The following TEKT5 variants were observed in gnomAD, a reference collection of about 807,000 sequenced individuals.
The protein encoded by TEKT5 is tektin-5.
A neutral mutation model predicts 48.7 loss-of-function variants in TEKT5; 52 were observed. The ratio of observed to expected loss-of-function variants is 1.07; its 90% CI spans 0.86 to 1.35. The LOEUF is 1.35. Ranked by LOEUF, TEKT5 falls within the 40% of genes most tolerant of loss-of-function variation. The probability of loss-of-function intolerance (pLI) is 0.00; values close to 1 mark genes in which losing one functional copy is unlikely to be tolerated. For synonymous variants in TEKT5, 318 were observed against 267.6 expected, an observed-to-expected ratio of 1.19 and a Z score of -1.84; for missense variants, 831 against 641.6, an observed-to-expected ratio of 1.30 and a Z score of -3.19.
intron 5 of TEKT5, among the ~76,000 whole-genome samples, chr16:10,647,821 C>T (rs1018371320): frequency 2.6e-5 from 4 of 152,226 alleles, no homozygotes; most frequent in Non-Finnish European, 4.4e-5. Flanking sequence ...ATTCATATGT[C>T]AGTGCAACAA....
At chr16:10,644,715 C>T (rs1190861615) in intron 5 of TEKT5, among the ~76,000 whole-genome samples, 7 of 152,210 alleles carry the variant, frequency 4.6e-5, no homozygotes, top group African/African-American at 1.2e-4. Flanking sequence ...GTTCTCCTAT[C>T]GCCTAGAACA....
intron 5 of TEKT5, among the ~76,000 whole-genome samples, chr16:10,642,243 C>A (rs1056924437): frequency 3.3e-5 from 5 of 152,190 alleles, no homozygotes; most frequent in Non-Finnish European, 7.3e-5. Flanking sequence ...AGACAAGTCA[C>A]CCTGGAGCAC....
intron 5 of TEKT5, among the ~76,000 whole-genome samples, chr16:10,648,305 G>T (rs1004856596): frequency 2.0e-5 from 3 of 151,796 alleles, no homozygotes; most frequent in Admixed American, 2.0e-4. Flanking sequence ...ACATTCCCTG[G>T]CTTTTATTTT....
At chr16:10,674,635 A>AC (rs1252440833) in intron 5 of TEKT5, among the ~76,000 whole-genome samples, 2 of 150,476 alleles carry the variant, frequency 1.3e-5, no homozygotes, top group African/African-American at 4.9e-5. Flanking sequence ...AAAAAAAAAA[A>AC]AAAAAACAGA....
At chr16:10,674,098 C>T (rs1806803634) in intron 5 of TEKT5, among the ~76,000 whole-genome samples, 1 of 152,158 alleles carries the variant, frequency 6.6e-6, no homozygotes, top group African/African-American at 2.4e-5. Flanking sequence ...AAACCCTTCA[C>T]CAGGCCTACC....
At chr16:10,666,978 C>T (rs1347484436) in intron 5 of TEKT5, among the ~76,000 whole-genome samples, 3 of 124,666 alleles carry the variant, frequency 2.4e-5, no homozygotes, top group Non-Finnish European at 3.4e-5. Flanking sequence ...TGGCTCCTTA[C>T]TTTTTTTTTT....
chr16:10,687,312 T>C (rs1898879769), intron 3 of TEKT5, among the ~76,000 whole-genome samples: 2 of 152,240 alleles, frequency 1.3e-5, no homozygotes, highest in Non-Finnish European at 2.9e-5. Flanking sequence ...CAGAACATCA[T>C]GTTTTATATG....
At chr16:10,639,969 G>A (rs534651500) in intron 5 of TEKT5, among the ~76,000 whole-genome samples, 1 of 151,910 alleles carries the variant, frequency 6.6e-6, no homozygotes, top group East Asian at 1.9e-4. Flanking sequence ...TAAAGCTTAT[G>A]CATGCTTCTT....
At chr16:10,679,897 CAAAT>C (rs56032112) in intron 4 of TEKT5, among the ~76,000 whole-genome samples, 1 of 150,312 alleles carries the variant, frequency 6.7e-6, no homozygotes, top group Non-Finnish European at 1.5e-5. Context: ...AACTCGGTCT[CAAAT>C]AAATAAATAA....
intron 4 of TEKT5, among the ~76,000 whole-genome samples, chr16:10,680,963 A>G (rs1898736081): frequency 6.6e-6 from 1 of 151,164 alleles, no homozygotes; most frequent in African/African-American, 2.4e-5. Flanking sequence ...TACATATGTA[A>G]CTAACCTGCA....
chr16:10,679,903 A>AATAAATAAATAAATAAATAC (rs2142305886), intron 4 of TEKT5, among the ~76,000 whole-genome samples: 1 of 150,468 alleles, frequency 6.6e-6, no homozygotes, highest in South Asian at 2.1e-4. Context: ...GTCTCAAATA[A>AATAAATAAATAAATAAATAC]ATAAATAAAT....
intron 6 of TEKT5, among the ~76,000 whole-genome samples, chr16:10,632,869 G>GAC (rs35503579): frequency 0.11 from 14,227 of 131,434 alleles, 776 homozygotes; most frequent in Middle Eastern, 0.18. Context: ...CACAGATGCA[G>GAC]ACACACACAC....
chr16:10,659,070 T>C (rs901905149), intron 5 of TEKT5, among the ~76,000 whole-genome samples: 2 of 152,170 alleles, frequency 1.3e-5, no homozygotes, highest in African/African-American at 4.8e-5. Flanking sequence ...GAAGGATGTT[T>C]AGTAGCATCC....
In TEKT5 at chr16:10,646,429, A is replaced by T. The variant is rs576391651; in HGVS notation, c.1087-10511T>A. Among the ~76,000 whole-genome samples, 8 of 152,324 alleles carry T rather than the reference A, an allele frequency of 5.3e-5. No individual in the cohort carries two copies. The East Asian group carries it at 1.2e-3, about 22-fold the overall frequency. ...GTAAATTGCTCCTGAATGAGGTGGG[A>T]TTGCAAGTATAACACCCAGTCCCTG... On this transcript the variant is annotated intron_variant, in intron 5 of 6. Coordinates refer to ENST00000283025, the MANE Select transcript of TEKT5 (RefSeq NM_144674.2).
chr16:10,662,178 C>T (rs761184004), intron 5 of TEKT5, among the ~76,000 whole-genome samples: 1 of 152,198 alleles, frequency 6.6e-6, no homozygotes, highest in Non-Finnish European at 1.5e-5. Flanking sequence ...CTGGCCTCTA[C>T]TCACTGGATG....
At position 10,652,603 on chromosome 16, in the gene TEKT5, G is replaced by GAC. The variant is rs71133381; in HGVS notation, c.1087-16687_1087-16686dup. 9.3e-3 allele frequency among the ~76,000 whole-genome samples: 114 copies of GAC among 12,238 alleles called. 2 individuals carry two copies. Among genetic ancestry groups the GAC allele is most frequent in the African/African-American group, 0.012 (25 of 2,092 alleles). 8.0% of individuals were successfully genotyped at this position (12,238 alleles called of 152,430 possible). A position where few individuals can be genotyped will look rare whatever the true frequency, so the allele number is the denominator to read the frequency against. The stretch of plus-strand genomic sequence containing the variant: ...GAATGATCCCTTATATACACAGGCA[G>GAC]ACACACACACACACACACACACACA... On this transcript the variant is annotated intron_variant, in intron 5 of 6. Coordinates refer to ENST00000283025, the MANE Select transcript of TEKT5 (RefSeq NM_144674.2).
At chr16:10,652,712 CA>C (rs1898183765) in intron 5 of TEKT5, among the ~76,000 whole-genome samples, 2 of 106,248 alleles carry the variant, frequency 1.9e-5, no homozygotes, top group Non-Finnish European at 3.6e-5. Flanking sequence ...CACACACACA[CA>C]CACACACACA....
chr16:10,639,636 A>C (rs1199870315), intron 5 of TEKT5, among the ~76,000 whole-genome samples: 1 of 152,252 alleles, frequency 6.6e-6, no homozygotes. Context: ...CAGTGCTCAC[A>C]GTCTATTTTT....
At chr16:10,648,229 G>A (rs1898100560) in intron 5 of TEKT5, among the ~76,000 whole-genome samples, 1 of 152,142 alleles carries the variant, frequency 6.6e-6, no homozygotes, top group South Asian at 2.1e-4. Context: ...CAGGTCCTGC[G>A]CCAAGACTCT....
Sources: allele counts gnomAD v4.1 joint callset (sites outside exome capture counted in the v4.1 genomes callset), GRCh38; gene constraint gnomAD v4.1.1; transcripts MANE v1.5; gene names NCBI Gene and HGNC (gene_info 2026-07-23, HGNC 2026-07-21).